Variants in PAQR5 observed in about 807,000 individuals in gnomAD.
The protein encoded by PAQR5 is progestin and adipoQ receptor family member 5.
PAQR5 carries 20 observed loss-of-function variants against 34.5 expected under a neutral mutation model. That is an observed-to-expected ratio of 0.58 (90% CI 0.41 to 0.84). PAQR5 has a LOEUF of 0.84. PAQR5 is among the 40% of genes least tolerant of loss of function. The pLI, the probability that PAQR5 is intolerant of heterozygous loss-of-function variation, is 0.00. For synonymous variants in PAQR5, 131 were observed against 155.6 expected (o/e 0.84, Z 1.18); for missense variants, 378 against 412.7 (o/e 0.92, Z 0.73).
rs542293991 is a variant in PAQR5 at position 69,326,178 on chromosome 15, C to G, written c.-276-11163C>G. On this transcript the variant is annotated intron_variant, in intron 1 of 8. Coordinates refer to ENST00000395407, the MANE Select transcript of PAQR5 (RefSeq NM_017705.4). The stretch of plus-strand genomic sequence containing the variant: ...CTGGGAAATGGTGCTCCAAAGACGC[C>G]AGCCAAATTTGCCTGTTTCTCTGTG... 3.9e-4 allele frequency among the ~76,000 whole-genome samples: 59 copies of G among 152,228 alleles called. 1 individual carries two copies. Among genetic ancestry groups the G allele is most frequent in the African/African-American group, 1.4e-3 (57 of 41,522 alleles).
chr15:69,340,094 G>A (rs550385447), intron 2 of PAQR5, among the ~76,000 whole-genome samples: 40 of 151,968 alleles, frequency 2.6e-4, no homozygotes, highest in African/African-American at 7.7e-4. Context: ...TCAAACTTCC[G>A]ACCTCAGGTG....
At position 69,390,356 on chromosome 15, in the gene PAQR5, A is replaced by ATTTTTT. The variant is rs144601337; in HGVS notation, c.512+579_512+580insTTTTTT. On this transcript the variant is annotated intron_variant, in intron 6 of 8. Coordinates refer to ENST00000395407, the MANE Select transcript of PAQR5 (RefSeq NM_017705.4). The stretch of plus-strand genomic sequence containing the variant: ...TATTTATTTATTTATTTATTTATTT[A>ATTTTTT]TTTATTTTTTTGAGACAGGGTCTCT... Among the ~76,000 whole-genome samples, 25 of 132,684 alleles carry ATTTTTT rather than the reference A, an allele frequency of 1.9e-4. 2 individuals carry two copies. Among genetic ancestry groups the ATTTTTT allele is most frequent in the Middle Eastern group, 4.0e-3 (1 of 252 alleles). 87.0% of individuals were successfully genotyped at this position (132,684 alleles called of 152,430 possible).
intron 1 of PAQR5, among the ~76,000 whole-genome samples, chr15:69,332,440 G>A (rs1423447897): frequency 6.6e-6 from 1 of 152,118 alleles, no homozygotes; most frequent in Non-Finnish European, 1.5e-5. Flanking sequence ...CAGAGGACAG[G>A]AATTTTGGGG....
At chr15:69,376,280 A>C (rs372167926) in intron 3 of PAQR5, among the ~76,000 whole-genome samples, 1 of 152,214 alleles carries the variant, frequency 6.6e-6, no homozygotes, top group Non-Finnish European at 1.5e-5. Flanking sequence ...AAATGATTGC[A>C]GTTTTCCTTT....
chr15:69,378,136 C>T (rs548264379), intron 3 of PAQR5, among the ~76,000 whole-genome samples: 7 of 151,460 alleles, frequency 4.6e-5, no homozygotes, highest in South Asian at 2.1e-4. Context: ...TTGTGGCATG[C>T]GCTTGTAATC....
Position 69,389,665 on chromosome 15 carries a change from G to A in PAQR5, c.397G>A (p.Ala133Thr), listed in dbSNP as rs2056201960. The A allele has an allele frequency of 6.2e-7, 1 of 1,614,056 alleles. No individual in the cohort carries two copies. Among genetic ancestry groups the A allele is most frequent in the African/African-American group, 1.3e-5 (1 of 74,928 alleles). The change falls in exon 6 of 9, where the codon GCC becomes ACC. Residue 133 changes from alanine to threonine, a missense_variant. Ala to Thr is a moderately conservative substitution (Grantham distance 58). Coordinates refer to ENST00000395407, the MANE Select transcript of PAQR5 (RefSeq NM_017705.4). Reference protein sequence around the residue: ...VNLFSLGSAIAYSAYTFPDAL... With the variant: ...VNLFSLGSAITYSAYTFPDAL... ...CTTTTCTTCCCCAGGCTCAGCCATT[G>A]CCTACTCTGCATACACGTTCCCGGA...
At chr15:69,362,512 C>T (rs2055261479) in intron 3 of PAQR5, among the ~76,000 whole-genome samples, 1 of 152,148 alleles carries the variant, frequency 6.6e-6, no homozygotes. Flanking sequence ...AAATAGGATA[C>T]TTCATACAAT....
intron 1 of PAQR5, among the ~76,000 whole-genome samples, chr15:69,321,043 C>T (rs553883684): frequency 7.9e-5 from 12 of 152,218 alleles, no homozygotes; most frequent in South Asian, 2.1e-4. Context: ...AAAGCATTTC[C>T]GATTTGCCTT....
chr15:69,383,198 C>T (rs970426351), intron 4 of PAQR5, among the ~76,000 whole-genome samples: 15 of 152,196 alleles, frequency 9.9e-5, no homozygotes, highest in African/African-American at 2.6e-4. Context: ...AGTAGATAGG[C>T]GAGGATCTAA....
chr15:69,402,293 A>G (rs1387291596), intron 8 of PAQR5, among the ~76,000 whole-genome samples: 1 of 150,870 alleles, frequency 6.6e-6, no homozygotes, highest in East Asian at 1.9e-4. Flanking sequence ...GTATACGTGC[A>G]TGTCTGTGTC....
chr15:69,345,604 T>C (rs1423471011), intron 2 of PAQR5, among the ~76,000 whole-genome samples: 2 of 152,232 alleles, frequency 1.3e-5, no homozygotes, highest in Non-Finnish European at 2.9e-5. Context: ...TTGATTTGCC[T>C]GTTTTGTTTT....
At chr15:69,400,168 G>A (rs1001198582) in intron 8 of PAQR5, 53 bp downstream of exon 8, 17 of 1,560,494 alleles carry the variant, frequency 1.1e-5, no homozygotes, top group Non-Finnish European at 1.5e-5. Context: ...GACTGGGGAG[G>A]GTCCTGTCCC....
rs2056062856 is a variant in PAQR5, at chr15:69,384,815, T to C, written c.318T>C (p.Ser106=). The change falls in exon 5 of 9, where the codon TCT becomes TCC. Residue 106 remains serine (S), a synonymous_variant. Transcript: ENST00000395407. ...CCAGCTGTGCGCACACCTTCAGCTC[T>C]ATGTCCAAGAATGCCCGGCACATTT... The part of the protein sequence containing the change: ...LVSSCAHTFS[S]MSKNARHICY... 6.2e-7 allele frequency: 1 copy of C among 1,614,068 alleles called. No individual in the cohort carries two copies. Among genetic ancestry groups the C allele is most frequent in the African/African-American group, 1.3e-5 (1 of 74,934 alleles).
intron 2 of PAQR5, among the ~76,000 whole-genome samples, chr15:69,340,148 G>T (rs887810873): frequency 6.6e-6 from 1 of 152,090 alleles, no homozygotes; most frequent in East Asian, 1.9e-4. Context: ...TTACAGGCAT[G>T]AGCCACCGTG....
intron 4 of PAQR5, among the ~76,000 whole-genome samples, chr15:69,383,174 G>A (rs1012129948): frequency 5.3e-5 from 8 of 152,194 alleles, no homozygotes; most frequent in African/African-American, 1.7e-4. Context: ...TAGTCACCGC[G>A]GGGGAATGGA....
At position 69,359,295 on chromosome 15, in the gene PAQR5, A is replaced by G. The variant is rs139176945; in HGVS notation, c.-115-671A>G. Reference sequence around the variant, plus strand: ...AGACACAAACATTCAGACCATAGTAATTGCCCATATTATTGTCACAGGATG... The same window carrying G: ...AGACACAAACATTCAGACCATAGTAGTTGCCCATATTATTGTCACAGGATG... On this transcript the variant is annotated intron_variant, in intron 2 of 8. Transcript: ENST00000395407. 6.5e-3 allele frequency among the ~76,000 whole-genome samples: 994 copies of G among 152,250 alleles called. 3 individuals are homozygous for G. Among genetic ancestry groups the G allele is most frequent in the Middle Eastern group, 0.014 (4 of 294 alleles).
intron 1 of PAQR5, among the ~76,000 whole-genome samples, chr15:69,317,374 C>T (rs2053978436): frequency 6.6e-6 from 1 of 152,168 alleles, no homozygotes; most frequent in South Asian, 2.1e-4. Context: ...AAGACATGCC[C>T]TTTCCCATCT....
At position 69,397,913 on chromosome 15, in the gene PAQR5, G is replaced by A. The variant is rs995171732; in HGVS notation, c.609+349G>A. 5 of 291,428 alleles carry A rather than the reference G, an allele frequency of 1.7e-5. No homozygotes were observed. The Admixed American group carries it at 1.9e-4, about 11-fold the overall frequency. 18.1% of individuals were successfully genotyped at this position (291,428 alleles called of 1,614,324 possible). A position where few individuals can be genotyped will look rare whatever the true frequency, so the allele number is the denominator to read the frequency against. ...GAGGAGTGGTTAGGAGATGACATAA[G>A]CACAGAGGCCCTGACTGACAATATG... On this transcript the variant is annotated intron_variant, in intron 7 of 8. Transcript: ENST00000395407.
chr15:69,391,820 C>T (rs1331238633), intron 6 of PAQR5: 2 of 391,786 alleles, frequency 5.1e-6, no homozygotes, highest in Non-Finnish European at 1.0e-5. Flanking sequence ...ATTTTGGGAG[C>T]GCCAGGTGGG....
Sources: gnomAD v4.1 joint callset for allele counts (sites outside exome capture counted in the v4.1 genomes callset) on GRCh38, gnomAD v4.1.1 for gene constraint, MANE v1.5 for transcripts, NCBI Gene and HGNC (gene_info 2026-07-23, HGNC 2026-07-21) for gene names.